Variants in SEMA3A observed in about 807,000 individuals in gnomAD.
SEMA3A encodes semaphorin 3A, also known as semaphorin-3A.
In SEMA3A, 29 loss-of-function variants were observed where a neutral mutation model predicts 97.9. The ratio of observed to expected loss-of-function variants is 0.30; its 90% CI spans 0.22 to 0.40. SEMA3A has a LOEUF of 0.40. SEMA3A is among the 10% of genes least tolerant of loss of function. The pLI is 1.00. For synonymous variants in SEMA3A, 321 were observed against 323.7 expected (o/e 0.99, Z 0.09); for missense variants, 763 against 951.3 (o/e 0.80, Z 2.60).
chr7:84,056,969 G>A (rs1793009123), intron 5 of SEMA3A, among the ~76,000 whole-genome samples: 1 of 152,154 alleles, frequency 6.6e-6, no homozygotes, highest in Non-Finnish European at 1.5e-5. Flanking sequence ...ACACACTAGT[G>A]AAAGTAATAC....
At chr7:84,478,346 C>T (rs573583627) in intron 1 of SEMA3A, among the ~76,000 whole-genome samples, 5 of 152,236 alleles carry the variant, frequency 3.3e-5, no homozygotes, top group Non-Finnish European at 5.9e-5. Context: ...GGGAACTTCC[C>T]TGACTTACTG....
At chr7:84,379,598 A>G (rs1372863215) in intron 1 of SEMA3A, among the ~76,000 whole-genome samples, 1 of 152,172 alleles carries the variant, frequency 6.6e-6, no homozygotes, top group African/African-American at 2.4e-5. Context: ...CAAAGCTTCA[A>G]TTTGAGGAAG....
At chr7:84,023,602 G>A (rs1441613446) in intron 6 of SEMA3A, among the ~76,000 whole-genome samples, 1 of 152,138 alleles carries the variant, frequency 6.6e-6, no homozygotes, top group Non-Finnish European at 1.5e-5. Context: ...ACATGTCAGA[G>A]GTTGCAGAGC....
At chr7:84,262,020 A>C (rs1562876649) in intron 3 of SEMA3A, among the ~76,000 whole-genome samples, 1 of 152,228 alleles carries the variant, frequency 6.6e-6, no homozygotes. Flanking sequence ...CATGTGCAAA[A>C]GCAAGATTAT....
At chr7:83,964,755 C>T (rs909249952) in intron 15 of SEMA3A, among the ~76,000 whole-genome samples, 2 of 151,950 alleles carry the variant, frequency 1.3e-5, no homozygotes, top group Non-Finnish European at 2.9e-5. Flanking sequence ...GAAATGATTG[C>T]AATGTAAAGA....
chr7:84,390,523 T>C (rs1803513658), intron 1 of SEMA3A, among the ~76,000 whole-genome samples: 1 of 152,016 alleles, frequency 6.6e-6, no homozygotes, highest in South Asian at 2.1e-4. Context: ...GAAGTGCTAC[T>C]GTGCTACTTG....
chr7:84,232,069 C>T lies in SEMA3A; in HGVS notation c.-82-37401G>A, dbSNP rs1799128266. ...GTGTGTGTGTTCATATATATATATACACACACATACATACACACACCCAAG... is the reference window on the plus strand; with the variant it reads ...GTGTGTGTGTTCATATATATATATATACACACATACATACACACACCCAAG... On this transcript the variant is annotated intron_variant, in intron 3 of 3. Coordinates refer to the SEMA3A transcript ENST00000424555. Among the ~76,000 whole-genome samples, 3 of 150,828 alleles carry T rather than the reference C, an allele frequency of 2.0e-5. No homozygotes were observed. In the South Asian group the frequency reaches 6.3e-4, roughly 32 times the overall value.
At chr7:84,371,074 T>G (rs1168306921) in intron 2 of SEMA3A, among the ~76,000 whole-genome samples, 1 of 151,696 alleles carries the variant, frequency 6.6e-6, no homozygotes, top group Non-Finnish European at 1.5e-5. Context: ...TATACATGGA[T>G]GTACATTCAT....
chr7:84,059,703 A>G (rs1583892425), intron 5 of SEMA3A, among the ~76,000 whole-genome samples: 1 of 150,410 alleles, frequency 6.6e-6, no homozygotes, highest in African/African-American at 2.4e-5. Flanking sequence ...AAATATGTTC[A>G]AGAACAGAAT....
Position 83,990,684 on chromosome 7 carries a change from G to A in SEMA3A, c.1453-5207C>T, listed in dbSNP as rs1418573147. Among the ~76,000 whole-genome samples the A allele has an allele frequency of 2.3e-5, 3 of 128,164 alleles. No individual in the cohort carries two copies. In the South Asian group the frequency reaches 8.6e-4, roughly 37 times the overall value. The allele number at this position is 128,164 out of a possible 152,430, so 84.1% of individuals were successfully genotyped here. A position where few individuals can be genotyped will look rare whatever the true frequency, so the allele number is the denominator to read the frequency against. Reference sequence around the variant, plus strand: ...TTCTGTTCCATTGATCTATATCTGTGTTTTGGTACCAGTACCATGCTGTTT... The same window carrying A: ...TTCTGTTCCATTGATCTATATCTGTATTTTGGTACCAGTACCATGCTGTTT... On this transcript the variant is annotated intron_variant, in intron 12 of 16. Coordinates refer to ENST00000265362, the MANE Select transcript of SEMA3A (RefSeq NM_006080.3).
intron 2 of SEMA3A, among the ~76,000 whole-genome samples, chr7:84,346,385 TG>T (rs1802300042): frequency 6.6e-6 from 1 of 152,228 alleles, no homozygotes; most frequent in South Asian, 2.1e-4. Context: ...ATTCACAACT[TG>T]GTGAACTGCT....
At chr7:84,227,370 T>C (rs1799014254) in intron 3 of SEMA3A, among the ~76,000 whole-genome samples, 1 of 152,050 alleles carries the variant, frequency 6.6e-6, no homozygotes, top group African/African-American at 2.4e-5. Flanking sequence ...ATTCATTTGC[T>C]ACCTCATTTC....
chr7:84,392,400 C>A (rs541388660), intron 1 of SEMA3A, among the ~76,000 whole-genome samples: 10 of 152,222 alleles, frequency 6.6e-5, no homozygotes, highest in Non-Finnish European at 1.0e-4. Flanking sequence ...GATAAGGTAT[C>A]TTCCTTGTTT....
chr7:84,190,561 C>T (rs986202276), intron 1 of SEMA3A, among the ~76,000 whole-genome samples: 1 of 151,038 alleles, frequency 6.6e-6, no homozygotes, highest in South Asian at 2.1e-4. Flanking sequence ...ACAACTCCCA[C>T]ATATGTTTCC....
chr7:84,176,054 T>C, intron 1 of SEMA3A, among the ~76,000 whole-genome samples: 1 of 151,080 alleles, frequency 6.6e-6, no homozygotes, highest in East Asian at 2.0e-4. Flanking sequence ...TGAATTAAAA[T>C]GTTCAATGCT....
intron 2 of SEMA3A, among the ~76,000 whole-genome samples, chr7:84,344,838 G>C (rs963181125): frequency 7.2e-5 from 11 of 152,116 alleles, no homozygotes; most frequent in Admixed American, 5.2e-4. Context: ...AGAATCCTTA[G>C]ATTTACTCAA....
In SEMA3A at chr7:84,433,466, C is replaced by T. The variant is rs147917323; in HGVS notation, c.-246+58994G>A. On this transcript the variant is annotated intron_variant, in intron 1 of 3. Transcript: ENST00000424555. ...GTATATGTGCCATATTTTCTTAATCCAGTTTATCATTGATGGACATTTGGG... is the reference window on the plus strand; with the variant it reads ...GTATATGTGCCATATTTTCTTAATCTAGTTTATCATTGATGGACATTTGGG... Among the ~76,000 whole-genome samples the T allele has an allele frequency of 0.013, 2,051 of 152,052 alleles. 93 individuals are homozygous for T. In the East Asian group the frequency reaches 0.16, roughly 12 times the overall value.
intron 1 of SEMA3A, among the ~76,000 whole-genome samples, chr7:84,150,885 G>A (rs2116116437): frequency 6.6e-6 from 1 of 151,452 alleles, no homozygotes; most frequent in Non-Finnish European, 1.5e-5. Context: ...GCACGCAGCT[G>A]GAGATCTGAG....
chr7:84,030,659 T>C (rs1018049383), intron 6 of SEMA3A, among the ~76,000 whole-genome samples: 10 of 152,150 alleles, frequency 6.6e-5, no homozygotes, highest in Non-Finnish European at 1.5e-4. Context: ...TATACACATA[T>C]ATGTTTTTGA....
Sources: allele counts gnomAD v4.1 joint callset (sites outside exome capture counted in the v4.1 genomes callset), GRCh38; gene constraint gnomAD v4.1.1; transcripts MANE v1.5; gene names NCBI Gene and HGNC (gene_info 2026-07-23, HGNC 2026-07-21).